DDX10: variants seen among roughly 807,000 people sequenced by gnomAD.
The protein encoded by DDX10 is DEAD-box helicase 10.
DDX10 carries 74 observed loss-of-function variants against 104.3 expected under a neutral mutation model. That is an observed-to-expected ratio of 0.71 (90% CI 0.59 to 0.86). The LOEUF is 0.86. Among genes scored for constraint, DDX10 ranks in the 40% least tolerant of loss-of-function variants. DDX10 has a pLI of 0.00. For synonymous variants in DDX10, 351 were observed against 353.4 expected, an observed-to-expected ratio of 0.99 and a Z score of 0.08; for missense variants, 952 against 1,040.0, an observed-to-expected ratio of 0.92 and a Z score of 1.16.
At chr11:108,804,509 A>C (rs1021788902) in intron 13 of DDX10, among the ~76,000 whole-genome samples, 2 of 151,394 alleles carry the variant, frequency 1.3e-5, no homozygotes, top group Non-Finnish European at 2.9e-5. Flanking sequence ...AAAAAAAAAA[A>C]AAAAAAAAAC....
chr11:108,853,898 G>A (rs1419558469), intron 16 of DDX10, among the ~76,000 whole-genome samples: 1 of 152,214 alleles, frequency 6.6e-6, no homozygotes, highest in Non-Finnish European at 1.5e-5. Context: ...AAGAAGAGCT[G>A]ACATGGCTTT....
In DDX10 at chr11:108,675,680, G is replaced by A; in HGVS notation, c.332G>A (p.Gly111Glu). The change falls in exon 3 of 18, where the codon GGA (glycine) becomes GAA (glutamate). Residue 111 changes from glycine (G) to glutamate (E), a missense_variant. Gly to Glu is a moderately conservative substitution (Grantham distance 98, BLOSUM62 -2). This residue lies in a region of DDX10 where 412 missense variants were observed against 479.2 expected (regional missense o/e 0.86). Coordinates refer to ENST00000322536, the MANE Select transcript of DDX10 (RefSeq NM_004398.4). ...GCTTTGCAAGGTAAAGATGTACTTG[G>A]AGCGGCCAAAACTGGATCTGGCAAG... ...GLALQGKDVL[G>E]AAKTGSGKTL... 1.2e-6 allele frequency: 2 copies of A among 1,614,190 alleles called. No individual in the cohort carries two copies. Among genetic ancestry groups the A allele is most frequent in the Non-Finnish European group, 1.7e-6 (2 of 1,180,030 alleles).
intron 13 of DDX10, among the ~76,000 whole-genome samples, chr11:108,732,593 G>A (rs933900915): frequency 1.3e-5 from 2 of 152,168 alleles, no homozygotes; most frequent in Admixed American, 6.5e-5. Context: ...TTTTCTGTTT[G>A]ACGAGATCGA....
intron 13 of DDX10, among the ~76,000 whole-genome samples, chr11:108,777,262 C>T (rs560218208): frequency 4.6e-5 from 7 of 152,246 alleles, no homozygotes; most frequent in African/African-American, 1.7e-4. Context: ...CCTGCCATTA[C>T]TGGAGCTAGA....
intron 13 of DDX10, among the ~76,000 whole-genome samples, chr11:108,778,031 A>C (rs1218559132): frequency 6.6e-6 from 1 of 152,242 alleles, no homozygotes; most frequent in East Asian, 1.9e-4. Context: ...ACCACTGCTC[A>C]GCAAAATAAA....
At chr11:108,894,742 AAAATT>A (rs2134642898) in intron 16 of DDX10, among the ~76,000 whole-genome samples, 1 of 152,122 alleles carries the variant, frequency 6.6e-6, no homozygotes, top group South Asian at 2.1e-4. Context: ...TTTGTCATAA[AAAATT>A]AAAGCCTTCA....
intron 13 of DDX10, among the ~76,000 whole-genome samples, chr11:108,761,895 G>A (rs1435021855): frequency 6.6e-6 from 1 of 152,062 alleles, no homozygotes; most frequent in Non-Finnish European, 1.5e-5. Context: ...AAAATAAGGT[G>A]TAGTTGTAAT....
intron 13 of DDX10, among the ~76,000 whole-genome samples, chr11:108,725,528 C>T (rs2094304378): frequency 6.6e-6 from 1 of 151,926 alleles, no homozygotes; most frequent in Admixed American, 6.6e-5. Flanking sequence ...GTAGTGATAC[C>T]CTACTGCAGT....
At chr11:108,694,736 C>G (rs949175138) in intron 9 of DDX10, among the ~76,000 whole-genome samples, 5 of 152,056 alleles carry the variant, frequency 3.3e-5, no homozygotes, top group African/African-American at 1.2e-4. Context: ...AAAAAATCAG[C>G]CAGGAGTGGT....
At chr11:108,769,086 A>G (rs1246387490) in intron 13 of DDX10, among the ~76,000 whole-genome samples, 2 of 151,956 alleles carry the variant, frequency 1.3e-5, no homozygotes, top group African/African-American at 4.8e-5. Flanking sequence ...AGTAATTTGA[A>G]TTTCTGATTG....
chr11:108,751,315 C>CTA (rs2134505618), intron 13 of DDX10, among the ~76,000 whole-genome samples: 1 of 151,990 alleles, frequency 6.6e-6, no homozygotes, highest in East Asian at 1.9e-4. Flanking sequence ...GTATAGGTAT[C>CTA]TAAAGAATCA....
chr11:108,883,247 A>G (rs1565308214), intron 16 of DDX10, among the ~76,000 whole-genome samples: 1 of 152,140 alleles, frequency 6.6e-6, no homozygotes, highest in Non-Finnish European at 1.5e-5. Context: ...ATTGCTTTTG[A>G]AGTTATATTA....
intron 16 of DDX10, among the ~76,000 whole-genome samples, chr11:108,883,391 C>A (rs1314850081): frequency 6.6e-6 from 1 of 152,150 alleles, no homozygotes; most frequent in Non-Finnish European, 1.5e-5. Context: ...ATCGTCCCAA[C>A]TGCAGTTTAA....
intron 16 of DDX10, among the ~76,000 whole-genome samples, chr11:108,898,619 A>C (rs903628455): frequency 6.6e-6 from 1 of 151,818 alleles, no homozygotes; most frequent in Non-Finnish European, 1.5e-5. Flanking sequence ...ACCCAAGTCA[A>C]GTCATACCAA....
At chr11:108,890,259 A>G (rs1048233475) in intron 16 of DDX10, among the ~76,000 whole-genome samples, 12 of 152,234 alleles carry the variant, frequency 7.9e-5, no homozygotes, top group Non-Finnish European at 1.6e-4. Context: ...TTCTGTGCCT[A>G]TACGATAATA....
chr11:108,724,865 A>G (rs1379970712), intron 13 of DDX10, among the ~76,000 whole-genome samples: 1 of 152,134 alleles, frequency 6.6e-6, no homozygotes, highest in East Asian at 1.9e-4. Context: ...ACTCTATGTC[A>G]GTTATCTAAA....
At chr11:108,694,858 G>A (rs1388637960) in intron 9 of DDX10, among the ~76,000 whole-genome samples, 8 of 152,126 alleles carry the variant, frequency 5.3e-5, no homozygotes, top group Non-Finnish European at 1.5e-5. Context: ...TCCAGCCTGG[G>A]CGACAGAGTG....
chr11:108,814,474 A>G (rs2134571101), intron 13 of DDX10, among the ~76,000 whole-genome samples: 1 of 152,264 alleles, frequency 6.6e-6, no homozygotes, highest in African/African-American at 2.4e-5. Flanking sequence ...TCTGATCTCC[A>G]GCAGTTTTGG....
intron 13 of DDX10, among the ~76,000 whole-genome samples, chr11:108,789,061 C>G (rs1448145987): frequency 1.3e-5 from 2 of 152,154 alleles, no homozygotes; most frequent in East Asian, 3.9e-4. Context: ...GTCTGTGAGC[C>G]CAGGCATCAG....
Sources: gnomAD v4.1 joint callset for allele counts (sites outside exome capture counted in the v4.1 genomes callset) on GRCh38, gnomAD v4.1.1 for gene constraint, gnomAD v4.1.1 regional missense constraint, MANE v1.5 for transcripts, NCBI Gene and HGNC (gene_info 2026-07-23, HGNC 2026-07-21) for gene names.